PNPLA6: variants seen among roughly 807,000 people sequenced by gnomAD.
PNPLA6 encodes patatin like domain 6, lysophospholipase, also known as patatin-like phospholipase domain-containing protein 6.
PNPLA6 carries 105 observed loss-of-function variants against 153.7 expected under a neutral mutation model. The ratio of observed to expected loss-of-function variants is 0.68; its 90% CI spans 0.58 to 0.80. The LOEUF (loss-of-function observed/expected upper bound fraction) is 0.80, where lower values mean the gene tolerates loss of function less well. Among genes scored for constraint, PNPLA6 ranks in the 30% least tolerant of loss-of-function variants. The pLI, the probability that PNPLA6 is intolerant of heterozygous loss-of-function variation, is 0.00. For synonymous variants in PNPLA6, 825 were observed against 822.2 expected (o/e 1.00, Z -0.06); for missense variants, 1,423 against 1,919.3 (o/e 0.74, Z 4.83).
intron 27 of PNPLA6, among the ~76,000 whole-genome samples, chr19:7,557,857 C>T (rs927618639): frequency 6.6e-6 from 1 of 151,676 alleles, no homozygotes; most frequent in African/African-American, 2.4e-5. Context: ...AGTGGATGTA[C>T]GTACAAGAGG....
intron 13 of PNPLA6, among the ~76,000 whole-genome samples, chr19:7,543,900 G>A (rs372232597): frequency 6.0e-5 from 9 of 149,256 alleles, no homozygotes; most frequent in South Asian, 4.2e-4. Context: ...TGCAAGCTCC[G>A]CCTCCCGGGT....
At chr19:7,545,348 A>G (rs1157492140) in intron 13 of PNPLA6, among the ~76,000 whole-genome samples, 2 of 152,120 alleles carry the variant, frequency 1.3e-5, no homozygotes, top group Non-Finnish European at 2.9e-5. Context: ...ATTCTGTCTT[A>G]GAAGGTTCCA....
chr19:7,557,098 G>A (rs477246), intron 26 of PNPLA6, 70 bp from the exon 27 acceptor site: 95 of 1,187,834 alleles, frequency 8.0e-5, no homozygotes, highest in Non-Finnish European at 1.1e-4. Flanking sequence ...CGAGCCCATC[G>A]GGCCGGCTGG....
Position 7,555,221 on chromosome 19 carries a change from T to C in PNPLA6, c.2818-28T>C. The C allele has an allele frequency of 1.3e-6, 2 of 1,568,860 alleles. No homozygotes were observed. The highest frequency in any genetic ancestry group is 1.7e-6 in the Non-Finnish European group (2 of 1,150,616). ...CCGCCGGACCCCGCCCTCATGCTCCTGGGTCGCGACTATCTCCCCCATCCC... is the reference window on the plus strand; with the variant it reads ...CCGCCGGACCCCGCCCTCATGCTCCCGGGTCGCGACTATCTCCCCCATCCC... On this transcript the variant is annotated intron_variant, in intron 22 of 31. Transcript: ENST00000600737. This position sits in a 1 kb window ranked among gnomAD's most constrained non-coding sequence, Gnocchi z 6.3.
At chr19:7,559,786 G>A (rs1477316755) in intron 28 of PNPLA6, among the ~76,000 whole-genome samples, 1 of 151,960 alleles carries the variant, frequency 6.6e-6, no homozygotes, top group Non-Finnish European at 1.5e-5. Flanking sequence ...TGAAGCTGCA[G>A]TGAGCTATGA....
chr19:7,543,796 T>G (rs1180878719), intron 13 of PNPLA6, among the ~76,000 whole-genome samples: 1 of 151,846 alleles, frequency 6.6e-6, no homozygotes, highest in Admixed American at 6.6e-5. Context: ...AGAACCCCAG[T>G]AAGACTTCTT....
rs1280608611 is a variant in PNPLA6, at chr19:7,551,029, G to A, written c.2106G>A (p.Thr702=). 1 of 1,548,770 alleles carries A rather than the reference G, an allele frequency of 6.5e-7. No homozygotes were observed. Among genetic ancestry groups the A allele is most frequent in the South Asian group, 1.2e-5 (1 of 84,028 alleles). The change falls in exon 17 of 32, where the codon ACG becomes ACA. Residue 702 remains threonine, a synonymous_variant. Coordinates refer to ENST00000600737, the MANE Select transcript of PNPLA6 (RefSeq NM_001166114.2). The part of the protein sequence containing the change: ...EALTRQPRAT[T]VHAVRDTELA... ...TGACCCGGCAGCCGCGAGCCACGAC[G>A]GTGCACGCGGTGCGCGACACGGAGC...
rs1045614120 is a variant in PNPLA6 at position 7,561,750 on chromosome 19, C to T, written c.*188C>T. 2.9e-6 allele frequency: 2 copies of T among 701,126 alleles called. No homozygotes were observed. Among genetic ancestry groups the T allele is most frequent in the African/African-American group, 1.7e-5 (1 of 57,354 alleles). 43.4% of individuals were successfully genotyped at this position (701,126 alleles called of 1,614,324 possible). On this transcript the variant is annotated 3_prime_UTR_variant, in exon 32 of 32. Coordinates refer to ENST00000600737, the MANE Select transcript of PNPLA6 (RefSeq NM_001166114.2). ...CTTGACCAGCCCCTCCCCCAATAAA[C>T]TCGCCTCTTGGAAATGGCTTCCTGT...
rs189420089 is a variant in PNPLA6 at position 7,550,228 on chromosome 19, T to G, written c.1815-70T>G. On this transcript the variant is annotated intron_variant, in intron 14 of 31. Coordinates refer to ENST00000600737, the MANE Select transcript of PNPLA6 (RefSeq NM_001166114.2). ...GGAAGAGCAGAAGGGAGCCCCCAGA[T>G]CTGGCCTCCCAGCGCCGGTGTAGGA... 4 of 1,611,536 alleles carry G rather than the reference T, an allele frequency of 2.5e-6. No individual in the cohort carries two copies. The African/African-American group carries it at 5.3e-5, about 21-fold the overall frequency.
rs1352325200 is a variant in PNPLA6, at chr19:7,542,563, T to G, written c.1255T>G (p.Leu419Val). 3 of 1,611,916 alleles carry G rather than the reference T, an allele frequency of 1.9e-6. No homozygotes were observed. Among genetic ancestry groups the G allele is most frequent in the Non-Finnish European group, 2.5e-6 (3 of 1,178,306 alleles). ...GTTGCCCCCCTGCCTGCCTGCAGGC[T>G]TGCAGGGTGGCCCCCGCTCCGACTT... ...CVSMPGDISG[L>V]QGGPRSDFDM... is the part of the protein sequence containing the mutation. The change falls in exon 11 of 32, where the codon TTG becomes GTG. Residue 419 changes from leucine to valine, a missense_variant and splice_region_variant. Physicochemically the swap from Leu to Val is conservative, Grantham distance 32 (BLOSUM62 1). This residue lies in a region of PNPLA6 where 267 missense variants were observed against 255.1 expected (regional missense o/e 1.05). Transcript: ENST00000600737.
chr19:7,550,984 G>T lies in PNPLA6; in HGVS notation c.2071-10G>T. ...CCCAAGCAGCCCCAATCATGCACGC[G>T]GCCCCCCAGGTGGAGGCACTGACCC... is the stretch of plus-strand genomic sequence containing the variant. On this transcript the variant is annotated splice_polypyrimidine_tract_variant and intron_variant, in intron 16 of 31. Coordinates refer to ENST00000600737, the MANE Select transcript of PNPLA6 (RefSeq NM_001166114.2). The T allele has an allele frequency of 6.6e-7, 1 of 1,523,916 alleles. No homozygotes were observed. The highest frequency in any genetic ancestry group is 8.9e-7 in the Non-Finnish European group (1 of 1,128,756). 94.4% of individuals were successfully genotyped at this position (1,523,916 alleles called of 1,614,324 possible).
rs145988230 is a variant in PNPLA6 at position 7,553,973 on chromosome 19, G to T, written c.2359G>T (p.Val787Leu). ...ILPVCAEVPM[V>L]AFTLELQHAL... is the part of the protein sequence containing the mutation. ...GCCTGTGTGTGCTGAGGTCCCCATG[G>T]TGGCCTTCACGCTGGAGCTGCAGCA... Residue 787 changes from valine (V) to leucine (L), a missense_variant, in exon 19 of 32, where the codon GTG (valine) becomes TTG (leucine). Physicochemically the swap from Val to Leu is conservative, Grantham distance 32. Around this residue, in one of 10 missense-constraint regions of PNPLA6, gnomAD observed 643 missense variants for 835.2 expected, o/e 0.77. Coordinates refer to ENST00000600737, the MANE Select transcript of PNPLA6 (RefSeq NM_001166114.2). 1.2e-6 allele frequency: 2 copies of T among 1,614,138 alleles called. No individual in the cohort carries two copies. The highest frequency in any genetic ancestry group is 1.7e-6 in the Non-Finnish European group (2 of 1,180,028).
chr19:7,553,605 G>A (rs2023746694), intron 18 of PNPLA6, among the ~76,000 whole-genome samples: 1 of 152,248 alleles, frequency 6.6e-6, no homozygotes, highest in African/African-American at 2.4e-5. Context: ...GTTGTGTAAT[G>A]GATCCCACTG....
chr19:7,554,612 C>A lies in PNPLA6; in HGVS notation c.2523C>A (p.Ile841=), dbSNP rs375484169. ...WLAQQEDAHR[I]VLYQTDASLT... is the part of the protein sequence containing the mutation. Reference sequence around the variant, plus strand: ...CCCAGCAGGAGGATGCACACCGTATCGTACTCTACCAGACGGACGCCTCGC... The same window carrying A: ...CCCAGCAGGAGGATGCACACCGTATAGTACTCTACCAGACGGACGCCTCGC... Residue 841 remains isoleucine, a synonymous_variant, in exon 21 of 32, where the codon ATC becomes ATA. Transcript: ENST00000600737. 6.2e-7 allele frequency: 1 copy of A among 1,614,086 alleles called. No homozygotes were observed. The highest frequency in any genetic ancestry group is 8.5e-7 in the Non-Finnish European group (1 of 1,180,018).
chr19:7,546,004 A>T (rs992418890), intron 13 of PNPLA6, among the ~76,000 whole-genome samples: 3 of 151,802 alleles, frequency 2.0e-5, no homozygotes, highest in Non-Finnish European at 4.4e-5. Flanking sequence ...GACTCAAAGG[A>T]TTACACAAAT....
At chr19:7,560,867 G>T (rs752837665) in intron 29 of PNPLA6, 103 bp downstream of exon 29, 1 of 893,512 alleles carries the variant, frequency 1.1e-6, no homozygotes, top group Admixed American at 1.9e-5. Flanking sequence ...CATGTCCCTG[G>T]GTTTTGCTGA....
intron 18 of PNPLA6, among the ~76,000 whole-genome samples, chr19:7,552,780 A>G (rs1355300690): frequency 6.6e-6 from 1 of 151,730 alleles, no homozygotes; most frequent in East Asian, 1.9e-4. Flanking sequence ...AAAGAAAAAA[A>G]AAAAGAAAAG....
At chr19:7,536,384 A>G in intron 2 of PNPLA6, 65 bp from the exon 3 acceptor site, 1 of 1,407,484 alleles carries the variant, frequency 7.1e-7, no homozygotes, top group South Asian at 1.2e-5. Context: ...GACCCCCTGG[A>G]TCCGTCTGCC....
chr19:7,553,857 C>T lies in PNPLA6; in HGVS notation c.2261-18C>T. 1 of 1,614,190 alleles carries T rather than the reference C, an allele frequency of 6.2e-7. No homozygotes were observed. The highest frequency in any genetic ancestry group is 8.5e-7 in the Non-Finnish European group (1 of 1,180,020). The stretch of plus-strand genomic sequence containing the variant: ...CACAGGTTCGCACCACAAATCTCAT[C>T]CATTGGGTTCTTAGCAGGCTCTGGG... On this transcript the variant is annotated intron_variant, in intron 18 of 31. Transcript: ENST00000600737.
Sources: gnomAD v4.1 joint callset for allele counts (sites outside exome capture counted in the v4.1 genomes callset) on GRCh38, gnomAD v4.1.1 for gene constraint, gnomAD v4.1.1 regional missense constraint, Gnocchi (gnomAD v3.1) non-coding constraint, MANE v1.5 for transcripts, NCBI Gene and HGNC (gene_info 2026-07-23, HGNC 2026-07-21) for gene names.